PDE4D: variants seen among roughly 807,000 people sequenced by gnomAD.
PDE4D encodes 3',5'-cyclic-AMP phosphodiesterase 4D.
A neutral mutation model predicts 87.4 loss-of-function variants in PDE4D; 24 were observed. The observed-to-expected ratio is 0.27, with a 90% CI of 0.20 to 0.39. The LOEUF is 0.39. PDE4D is among the 10% of genes least tolerant of loss of function. The pLI, the probability that PDE4D is intolerant of heterozygous loss-of-function variation, is 1.00. For missense variants in PDE4D, 714 were observed against 1,041.0 expected (o/e 0.69, Z 4.32); for synonymous variants, 384 against 383.2 (o/e 1.00, Z -0.02).
rs536249218 is a variant in PDE4D, at chr5:59,382,457, T to C, written c.456-166489A>G. ...AAATCTCAAATCAGAGGATATTTTA[T>C]TTTTTTCTAGTAAATTTGGCAAAAT... On this transcript the variant is annotated intron_variant, in intron 1 of 14. Coordinates refer to ENST00000340635, the MANE Select transcript of PDE4D (RefSeq NM_001104631.2). 2.0e-5 allele frequency among the ~76,000 whole-genome samples: 3 copies of C among 152,314 alleles called. No individual in the cohort carries two copies. The South Asian group carries it at 6.2e-4, about 32-fold the overall frequency.
chr5:59,435,689 A>G (rs917199331), intron 1 of PDE4D, among the ~76,000 whole-genome samples: 8 of 152,112 alleles, frequency 5.3e-5, no homozygotes, highest in African/African-American at 1.9e-4. Context: ...TAATCCAGGA[A>G]CCTAAAACAA....
chr5:60,435,558 T>C (rs1744692035), intron 1 of PDE4D, among the ~76,000 whole-genome samples: 1 of 152,088 alleles, frequency 6.6e-6, no homozygotes, highest in Admixed American at 6.6e-5. Flanking sequence ...ATGGAGCATG[T>C]AGCTTTCAAG....
At chr5:59,223,613 T>G (rs1193660432) in intron 1 of PDE4D, among the ~76,000 whole-genome samples, 1 of 152,124 alleles carries the variant, frequency 6.6e-6, no homozygotes, top group Admixed American at 6.5e-5. Context: ...ATGAAGCTCG[T>G]TTCTAATCAA....
chr5:59,410,287 C>T (rs536415688), intron 1 of PDE4D, among the ~76,000 whole-genome samples: 4 of 152,078 alleles, frequency 2.6e-5, no homozygotes, highest in Non-Finnish European at 5.9e-5. Flanking sequence ...AGTCTCACTC[C>T]ATCACCCAGG....
intron 1 of PDE4D, among the ~76,000 whole-genome samples, chr5:59,463,588 G>A (rs567083661): frequency 1.3e-5 from 2 of 152,232 alleles, no homozygotes; most frequent in African/African-American, 2.4e-5. Flanking sequence ...GGTATTCAAA[G>A]GAATTTATGA....
intron 5 of PDE4D, among the ~76,000 whole-genome samples, chr5:59,148,627 A>G (rs1182771391): frequency 3.9e-5 from 6 of 152,214 alleles, no homozygotes; most frequent in Non-Finnish European, 8.8e-5. Context: ...TATTTTACAT[A>G]TAACCTGTCC....
At chr5:59,172,502 C>T (rs569827385) in intron 5 of PDE4D, among the ~76,000 whole-genome samples, 1 of 149,038 alleles carries the variant, frequency 6.7e-6, no homozygotes, top group African/African-American at 2.5e-5. Flanking sequence ...CCAGATCAGC[C>T]TGGGCAACAC....
chr5:59,134,453 C>T (rs1158400899), intron 5 of PDE4D, among the ~76,000 whole-genome samples: 3 of 151,880 alleles, frequency 2.0e-5, no homozygotes, highest in African/African-American at 7.3e-5. Context: ...CCACTTAATG[C>T]TATTTTATGA....
chr5:58,972,797 C>T lies in PDE4D; in HGVS notation c.*1867G>A, dbSNP rs951879534. On this transcript the variant is annotated 3_prime_UTR_variant, in exon 15 of 15. Coordinates refer to ENST00000340635, the MANE Select transcript of PDE4D (RefSeq NM_001104631.2). ...AATCAGGTAAACACTAGGAATTAATCTCTAAAACTGTAATACAGTTCCTGG... is the reference window on the plus strand; with the variant it reads ...AATCAGGTAAACACTAGGAATTAATTTCTAAAACTGTAATACAGTTCCTGG... The T allele has an allele frequency of 1.3e-5, 2 of 152,152 alleles. No individual in the cohort carries two copies. Among genetic ancestry groups the T allele is most frequent in the South Asian group, 4.1e-4 (2 of 4,822 alleles). 9.4% of individuals were successfully genotyped at this position (152,152 alleles called of 1,614,324 possible).
chr5:60,344,748 T>G (rs997202721), intron 1 of PDE4D, among the ~76,000 whole-genome samples: 1 of 152,170 alleles, frequency 6.6e-6, no homozygotes, highest in Admixed American at 6.5e-5. Context: ...TTATTATCTA[T>G]CCAAAGATTT....
chr5:59,310,008 A>G (rs1772251185), intron 1 of PDE4D, among the ~76,000 whole-genome samples: 1 of 152,076 alleles, frequency 6.6e-6, no homozygotes, highest in African/African-American at 2.4e-5. Context: ...CATCTCCAGA[A>G]AAATTCTCTT....
intron 1 of PDE4D, among the ~76,000 whole-genome samples, chr5:59,546,853 C>T (rs977959109): frequency 3.3e-5 from 5 of 152,140 alleles, no homozygotes; most frequent in African/African-American, 1.2e-4. Flanking sequence ...TGTAGTAACA[C>T]CAAATTACTG....
intron 1 of PDE4D, among the ~76,000 whole-genome samples, chr5:59,238,166 G>A (rs1211057278): frequency 2.6e-5 from 4 of 152,206 alleles, no homozygotes; most frequent in African/African-American, 7.2e-5. Context: ...CCATAACATG[G>A]AGAACATGCC....
At chr5:59,674,363 C>T (rs1747719313) in intron 1 of PDE4D, among the ~76,000 whole-genome samples, 2 of 152,100 alleles carry the variant, frequency 1.3e-5, no homozygotes, top group African/African-American at 4.8e-5. Flanking sequence ...TCTCCATACG[C>T]CACTACTCAC....
At chr5:60,058,906 A>C (rs956796127) in intron 2 of PDE4D, among the ~76,000 whole-genome samples, 4 of 151,950 alleles carry the variant, frequency 2.6e-5, no homozygotes, top group African/African-American at 9.7e-5. Context: ...TAAAATTCTG[A>C]ATAGTTATAT....
chr5:59,674,762 G>A (rs1580335580), intron 1 of PDE4D, among the ~76,000 whole-genome samples: 1 of 152,154 alleles, frequency 6.6e-6, no homozygotes, highest in Non-Finnish European at 1.5e-5. Flanking sequence ...TCAATAGGTA[G>A]TATTAATATT....
chr5:59,183,788 C>T (rs1410617249), intron 4 of PDE4D, among the ~76,000 whole-genome samples: 1 of 152,174 alleles, frequency 6.6e-6, no homozygotes, highest in Non-Finnish European at 1.5e-5. Context: ...ATTTTACATG[C>T]TGAGTTACTA....
intron 3 of PDE4D, among the ~76,000 whole-genome samples, chr5:59,982,440 T>G (rs1762019548): frequency 6.6e-6 from 1 of 152,174 alleles, no homozygotes; most frequent in Non-Finnish European, 1.5e-5. Context: ...GAACTGGGAA[T>G]GATTTCCACA....
intron 2 of PDE4D, among the ~76,000 whole-genome samples, chr5:60,057,250 T>C (rs1178821836): frequency 6.6e-6 from 1 of 152,004 alleles, no homozygotes; most frequent in Non-Finnish European, 1.5e-5. Context: ...TAAAGATCAG[T>C]AACCAACACA....
Sources: allele counts gnomAD v4.1 joint callset (sites outside exome capture counted in the v4.1 genomes callset), GRCh38; gene constraint gnomAD v4.1.1; transcripts MANE v1.5; gene names NCBI Gene and HGNC (gene_info 2026-07-23, HGNC 2026-07-21).